DLG2: variants seen among roughly 807,000 people sequenced by gnomAD.
DLG2 encodes disks large homolog 2.
DLG2 carries 45 observed loss-of-function variants against 132.5 expected under a neutral mutation model. That is an observed-to-expected ratio of 0.34 (90% CI 0.27 to 0.44). DLG2 has a LOEUF of 0.44. Among genes scored for constraint, DLG2 ranks in the 20% least tolerant of loss-of-function variants. DLG2 has a pLI of 1.00. For missense variants in DLG2, 1,045 were observed against 1,196.9 expected (o/e 0.87, Z 1.87); for synonymous variants, 424 against 419.6 (o/e 1.01, Z -0.13).
At chr11:85,297,152 C>G (rs771891659) in intron 3 of DLG2, among the ~76,000 whole-genome samples, 4 of 152,004 alleles carry the variant, frequency 2.6e-5, no homozygotes, top group East Asian at 1.9e-4. Context: ...TCCCCAATAA[C>G]TAAAGAGTTA....
chr11:84,807,333 C>A (rs1452577213), intron 6 of DLG2, among the ~76,000 whole-genome samples: 1 of 152,098 alleles, frequency 6.6e-6, no homozygotes, highest in East Asian at 1.9e-4. Context: ...GTAATCCCAG[C>A]TACTCAGGAG....
rs557692638 is a variant in DLG2 at position 84,264,535 on chromosome 11, A to C, written c.520-13244T>G. On this transcript the variant is annotated intron_variant, in intron 7 of 27. Coordinates refer to ENST00000376104, the MANE Select transcript of DLG2 (RefSeq NM_001142699.3). ...ATAACAAGAAAAAAGAATGAAAGAG[A>C]AGGAGCACAGGGAGTAGGTTGTTTT... 2.6e-5 allele frequency among the ~76,000 whole-genome samples: 4 copies of C among 152,226 alleles called. No homozygotes were observed. The South Asian group carries it at 8.3e-4, about 32-fold the overall frequency.
intron 10 of DLG2, among the ~76,000 whole-genome samples, chr11:84,067,891 G>A (rs945988861): frequency 2.6e-5 from 4 of 152,162 alleles, no homozygotes; most frequent in African/African-American, 9.7e-5. Context: ...CATCTGATAT[G>A]GGCCAATGTA....
intron 11 of DLG2, among the ~76,000 whole-genome samples, chr11:84,008,813 G>C (rs1377006747): frequency 6.6e-6 from 1 of 151,610 alleles, no homozygotes; most frequent in Non-Finnish European, 1.5e-5. Context: ...GGAGGAATAG[G>C]GGACCATTCA....
chr11:83,514,476 C>T (rs1344220221), intron 21 of DLG2, among the ~76,000 whole-genome samples: 1 of 152,206 alleles, frequency 6.6e-6, no homozygotes, highest in African/African-American at 2.4e-5. Context: ...CATCTGCAAA[C>T]AGGCACAATT....
intron 6 of DLG2, among the ~76,000 whole-genome samples, chr11:84,756,539 A>G (rs2066897020): frequency 6.6e-6 from 1 of 152,192 alleles, no homozygotes; most frequent in East Asian, 1.9e-4. Flanking sequence ...AAATTGCTTA[A>G]AATTTCCAGA....
At chr11:84,779,194 GCA>G (rs112067471) in intron 6 of DLG2, among the ~76,000 whole-genome samples, 39,288 of 148,876 alleles carry the variant, frequency 0.26, 5,628 homozygotes, top group Admixed American at 0.31. Context: ...ATATATGTGC[GCA>G]CACACACACA....
chr11:84,468,529 T>C (rs762811479), intron 7 of DLG2, among the ~76,000 whole-genome samples: 1 of 151,548 alleles, frequency 6.6e-6, no homozygotes. Flanking sequence ...ACCACATTCT[T>C]ATATCTTTGC....
chr11:85,220,874 A>G, intron 4 of DLG2, among the ~76,000 whole-genome samples: 1 of 152,014 alleles, frequency 6.6e-6, no homozygotes. Flanking sequence ...TTGATTTATC[A>G]CAATTTGTCT....
chr11:85,459,975 T>G (rs934124627), intron 3 of DLG2, among the ~76,000 whole-genome samples: 1 of 152,194 alleles, frequency 6.6e-6, no homozygotes. Flanking sequence ...CATTAAGTAC[T>G]CTGCAGAGCC....
intron 6 of DLG2, among the ~76,000 whole-genome samples, chr11:84,791,184 G>A (rs1056535187): frequency 6.6e-6 from 1 of 152,118 alleles, no homozygotes; most frequent in African/African-American, 2.4e-5. Context: ...ACAGCATGGG[G>A]AAAACTGCCC....
chr11:84,698,249 T>C lies in DLG2; in HGVS notation c.358-163518A>G, dbSNP rs185169779. On this transcript the variant is annotated intron_variant, in intron 6 of 27. Transcript: ENST00000376104. ...CCATCTGATCCGAACTTTAAATTCA[T>C]AGTGTTTGTCTTTCACATACAAAAT... is the stretch of plus-strand genomic sequence containing the variant. Among the ~76,000 whole-genome samples the C allele has an allele frequency of 7.3e-5, 11 of 151,612 alleles. No individual in the cohort carries two copies. The East Asian group carries it at 2.1e-3, about 30-fold the overall frequency.
intron 5 of DLG2, among the ~76,000 whole-genome samples, chr11:85,151,898 G>T (rs77700378): frequency 6.6e-6 from 1 of 152,144 alleles, no homozygotes; most frequent in African/African-American, 2.4e-5. Flanking sequence ...TTAAAATAAG[G>T]ATCATGGGAA....
chr11:85,093,611 G>A (rs1045154528), intron 6 of DLG2, among the ~76,000 whole-genome samples: 6 of 152,212 alleles, frequency 3.9e-5, no homozygotes, highest in African/African-American at 9.6e-5. Context: ...GAGCAAAGGC[G>A]TGTCTTACCT....
intron 5 of DLG2, among the ~76,000 whole-genome samples, chr11:85,127,224 T>TTC (rs998665118): frequency 6.2e-5 from 9 of 144,306 alleles, no homozygotes; most frequent in Non-Finnish European, 9.1e-5. Flanking sequence ...GTGCAATTCA[T>TTC]TCTCTCTCTC....
intron 16 of DLG2, among the ~76,000 whole-genome samples, chr11:83,872,197 A>C (rs1446055068): frequency 6.6e-6 from 1 of 152,208 alleles, no homozygotes; most frequent in Non-Finnish European, 1.5e-5. Flanking sequence ...CAGAAGGTGG[A>C]GGTTGCAGTG....
chr11:84,606,286 T>C (rs1268858388), intron 6 of DLG2, among the ~76,000 whole-genome samples: 1 of 152,132 alleles, frequency 6.6e-6, no homozygotes, highest in Non-Finnish European at 1.5e-5. Flanking sequence ...CGCAGCATAT[T>C]CATGGAATTT....
chr11:85,246,300 T>C (rs1407553015), intron 4 of DLG2, among the ~76,000 whole-genome samples: 5 of 152,078 alleles, frequency 3.3e-5, no homozygotes, highest in Non-Finnish European at 7.4e-5. Flanking sequence ...ATTCAAGGTT[T>C]ATTCACAAAG....
intron 6 of DLG2, among the ~76,000 whole-genome samples, chr11:84,771,998 T>G (rs2069497226): frequency 6.6e-6 from 1 of 152,146 alleles, no homozygotes; most frequent in Admixed American, 6.5e-5. Context: ...ATATACCATC[T>G]GCAGTCTTGA....
Sources: allele counts gnomAD v4.1 joint callset (sites outside exome capture counted in the v4.1 genomes callset), GRCh38; gene constraint gnomAD v4.1.1; transcripts MANE v1.5; gene names NCBI Gene and HGNC (gene_info 2026-07-23, HGNC 2026-07-21).